The following SRGAP2 variants were observed in gnomAD, a reference collection of about 807,000 sequenced individuals.
The protein encoded by SRGAP2 is SLIT-ROBO Rho GTPase-activating protein 2.
SRGAP2 carries 15 observed loss-of-function variants against 57.2 expected under a neutral mutation model. That is an observed-to-expected ratio of 0.26 (90% confidence interval 0.18 to 0.40). SRGAP2 has a LOEUF of 0.40. Ranked by LOEUF, SRGAP2 falls within the 10% of genes least tolerant of loss-of-function variation. The pLI, the probability that SRGAP2 is intolerant of heterozygous loss-of-function variation, is 1.00. For missense variants in SRGAP2, 520 were observed against 669.6 expected (o/e 0.78, Z 2.47); for synonymous variants, 249 against 248.0 (o/e 1.00, Z -0.04).
At chr1:206,253,676 C>T (rs1327524042) in intron 2 of SRGAP2, among the ~76,000 whole-genome samples, 7 of 148,236 alleles carry the variant, frequency 4.7e-5, no homozygotes, top group South Asian at 2.1e-4. Flanking sequence ...CCCGGGTTCA[C>T]GCCATTCTCC....
At chr1:206,418,614 A>T (rs781972860) in intron 11 of SRGAP2, among the ~76,000 whole-genome samples, 1 of 152,164 alleles carries the variant, frequency 6.6e-6, no homozygotes, top group Non-Finnish European at 1.5e-5. Context: ...ATGCATATAT[A>T]TTTTTTTAAA....
At chr1:206,253,101 T>TTCTGGGGCTGC in intron 2 of SRGAP2, among the ~76,000 whole-genome samples, 1 of 143,386 alleles carries the variant, frequency 7.0e-6, no homozygotes, top group East Asian at 2.2e-4. Flanking sequence ...GGAGGGGCTG[T>TTCTGGGGCTGC]TCTGGGGCTG....
intron 2 of SRGAP2, among the ~76,000 whole-genome samples, chr1:206,240,603 A>G (rs1476964258): frequency 1.3e-5 from 2 of 152,114 alleles, no homozygotes; most frequent in Non-Finnish European, 2.9e-5. Flanking sequence ...GAAGTCATCC[A>G]GCACTCACAA....
intron 3 of SRGAP2, among the ~76,000 whole-genome samples, chr1:206,325,985 C>G (rs1224591684): frequency 2.0e-5 from 3 of 151,734 alleles, no homozygotes; most frequent in Non-Finnish European, 4.4e-5. Context: ...AAACTGCTCT[C>G]TTTTGCATTT....
rs1416086064 is a variant in SRGAP2, at chr1:206,372,956, T to TTTCTTTCTTTCTTTC, written c.424-11056_424-11055insCTTTCTTTCTTTCTT. ...CTTTCTTTCTTTCTTTCTTTCTTTC[T>TTTCTTTCTTTCTTTC]TTTCTTTCCTTTCTTTCTTTCTTTC... On this transcript the variant is annotated intron_variant, in intron 4 of 22. Transcript: ENST00000573034. Among the ~76,000 whole-genome samples, 29 of 9,224 alleles carry TTTCTTTCTTTCTTTC rather than the reference T, an allele frequency of 3.1e-3. 6 individuals carry two copies. Among genetic ancestry groups the TTTCTTTCTTTCTTTC allele is most frequent in the Non-Finnish European group, 4.2e-3 (21 of 5,016 alleles). The allele number at this position is 9,224 out of a possible 152,430, so 6.1% of individuals were successfully genotyped here.
intron 4 of SRGAP2, among the ~76,000 whole-genome samples, chr1:206,375,610 A>G (rs12062031): frequency 0.08 from 12,229 of 152,132 alleles, 994 homozygotes; most frequent in African/African-American, 0.21. Context: ...GATTGGAACA[A>G]CCATGGAAGA....
intron 2 of SRGAP2, among the ~76,000 whole-genome samples, chr1:206,270,198 A>ACATG (rs1670111519): frequency 1.1e-5 from 1 of 93,784 alleles, no homozygotes; most frequent in East Asian, 3.2e-4. Context: ...AAAATGAGTA[A>ACATG]AGAACATGAA....
intron 3 of SRGAP2, among the ~76,000 whole-genome samples, chr1:206,318,098 C>T (rs1475580066): frequency 7.0e-6 from 1 of 143,540 alleles, no homozygotes; most frequent in African/African-American, 2.7e-5. Context: ...TCAGCCCGAA[C>T]CCTTGTAAAC....
At chr1:206,435,115 T>C (rs532334688) in intron 14 of SRGAP2, among the ~76,000 whole-genome samples, 1 of 152,238 alleles carries the variant, frequency 6.6e-6, no homozygotes, top group Non-Finnish European at 1.5e-5. Flanking sequence ...TGGAGATTCC[T>C]TTATAGGAGC....
intron 10 of SRGAP2, among the ~76,000 whole-genome samples, chr1:206,410,131 C>T (rs1659083159): frequency 6.6e-6 from 1 of 152,160 alleles, no homozygotes; most frequent in Admixed American, 6.5e-5. Flanking sequence ...TCAGTAAATC[C>T]AGAGAGGATG....
At position 206,307,565 on chromosome 1, in the gene SRGAP2, A is replaced by G. The variant is rs1473728307; in HGVS notation, c.260+4092A>G. 2.8e-3 allele frequency among the ~76,000 whole-genome samples: 431 copies of G among 152,282 alleles called. 3 individuals carry two copies. Among genetic ancestry groups the G allele is most frequent in the Admixed American group, 0.02 (300 of 15,302 alleles). Reference sequence around the variant, plus strand: ...CCCATGGAGTGGGTGGGAGGCTCAGACATGGCGGGCTGCAGGTCCCGAGCC... The same window carrying G: ...CCCATGGAGTGGGTGGGAGGCTCAGGCATGGCGGGCTGCAGGTCCCGAGCC... On this transcript the variant is annotated intron_variant, in intron 3 of 22. Transcript: ENST00000573034.
chr1:206,423,777 AT>A (rs200702527), intron 13 of SRGAP2, among the ~76,000 whole-genome samples: 30,782 of 145,878 alleles, frequency 0.21, 3,913 homozygotes, highest in East Asian at 0.62. Context: ...CACCTTTCTG[AT>A]TTTTTTTTTT....
chr1:206,268,595 T>G (rs1670020727), intron 2 of SRGAP2, among the ~76,000 whole-genome samples: 2 of 151,002 alleles, frequency 1.3e-5, no homozygotes, highest in African/African-American at 2.4e-5. Context: ...AAGGGGAGAA[T>G]AGAATCAGAC....
intron 12 of SRGAP2, 56 bp from the exon 13 acceptor site, chr1:206,421,194 C>G (rs1009814643): frequency 5.3e-6 from 4 of 751,428 alleles, no homozygotes; most frequent in Admixed American, 1.9e-5. Flanking sequence ...CCAATTTTCT[C>G]TTTTTCTCCC....
intron 2 of SRGAP2, among the ~76,000 whole-genome samples, chr1:206,218,262 C>T (rs1666779631): frequency 6.6e-6 from 1 of 151,202 alleles, no homozygotes; most frequent in Non-Finnish European, 1.5e-5. Flanking sequence ...GCAGTGAGCC[C>T]AGATCGCACC....
chr1:206,419,380 G>T lies in SRGAP2; in HGVS notation c.1449G>T (p.Arg483=). ...CCTTTGTGTTTCCAACAGGTCAGCG[G>T]ACAGATTGCAGTCTAGCCAGGTGAG... is the stretch of plus-strand genomic sequence containing the variant. ...LLQKTLGESQ[R]TDCSLARRSS... Residue 483 remains arginine, a synonymous_variant, in exon 12 of 23, where the codon CGG becomes CGT. Coordinates refer to ENST00000573034, the MANE Select transcript of SRGAP2 (RefSeq NM_015326.5). 1 of 780,822 alleles carries T rather than the reference G, an allele frequency of 1.3e-6. No homozygotes were observed. Among genetic ancestry groups the T allele is most frequent in the South Asian group, 1.3e-5 (1 of 74,614 alleles). 48.4% of individuals were successfully genotyped at this position (780,822 alleles called of 1,614,324 possible).
intron 3 of SRGAP2, among the ~76,000 whole-genome samples, chr1:206,324,635 A>G (rs1673734090): frequency 6.6e-6 from 1 of 152,148 alleles, no homozygotes; most frequent in Non-Finnish European, 1.5e-5. Context: ...CCCTGTAGAC[A>G]GGGAGCGTGT....
At chr1:206,391,674 T>C (rs1656986770) in intron 5 of SRGAP2, among the ~76,000 whole-genome samples, 1 of 148,856 alleles carries the variant, frequency 6.7e-6, no homozygotes, top group African/African-American at 2.6e-5. Flanking sequence ...ACTCTCTAAT[T>C]CTCCATCTCA....
intron 4 of SRGAP2, among the ~76,000 whole-genome samples, chr1:206,375,436 C>A (rs538428378): frequency 6.6e-6 from 1 of 152,130 alleles, no homozygotes; most frequent in African/African-American, 2.4e-5. Context: ...GACATTACGC[C>A]CCCACTCAAA....
Sources: gnomAD v4.1 joint callset for allele counts (sites outside exome capture counted in the v4.1 genomes callset) on GRCh38, gnomAD v4.1.1 for gene constraint, MANE v1.5 for transcripts, NCBI Gene and HGNC (gene_info 2026-07-23, HGNC 2026-07-21) for gene names.